SNX11: variants seen among roughly 807,000 people sequenced by gnomAD.
The protein encoded by SNX11 is sorting nexin 11.
A neutral mutation model predicts 30.7 loss-of-function variants in SNX11; 19 were observed. The ratio of observed to expected loss-of-function variants is 0.62; its 90% CI spans 0.43 to 0.91. SNX11 has a LOEUF of 0.91. SNX11 is among the 40% of genes least tolerant of loss of function. The pLI is 0.00. For synonymous variants in SNX11, 112 were observed against 119.0 expected (o/e 0.94, Z 0.38); for missense variants, 302 against 326.7 (o/e 0.92, Z 0.58).
chr17:48,114,927 A>G (rs1318311971), intron 4 of SNX11, among the ~76,000 whole-genome samples: 2 of 151,692 alleles, frequency 1.3e-5, no homozygotes, highest in Admixed American at 6.6e-5. Flanking sequence ...TCCACCTCCC[A>G]AAGTGCTAGG....
At chr17:48,118,413 A>G (rs1421020729) in intron 4 of SNX11, among the ~76,000 whole-genome samples, 2 of 152,006 alleles carry the variant, frequency 1.3e-5, no homozygotes, top group Non-Finnish European at 2.9e-5. Context: ...CCCCGTCTCT[A>G]TTAAAAATAC....
intron 4 of SNX11, among the ~76,000 whole-genome samples, chr17:48,115,452 C>A (rs2063536173): frequency 6.6e-6 from 1 of 152,156 alleles, no homozygotes; most frequent in South Asian, 2.1e-4. Context: ...ATACTAACAT[C>A]AAAAATATTT....
rs188333158 is a variant in SNX11, at chr17:48,113,300, G to T, written c.130-1G>T. 3.9e-5 allele frequency: 63 copies of T among 1,612,284 alleles called. No homozygotes were observed. Among genetic ancestry groups the T allele is most frequent in the Non-Finnish European group, 4.8e-5 (57 of 1,178,754 alleles). On this transcript the variant is annotated splice_acceptor_variant, in intron 3 of 6. Transcript: ENST00000359238. LOFTEE classifies it high-confidence loss of function. ...TGTACTTCATGTGCTTTCATGTATA[G>T]ACCAACAGCAAAGCCTTTACTGCCA...
intron 1 of SNX11, 80 bp from the exon 2 acceptor site, chr17:48,111,951 C>T (rs905848296): frequency 1.0e-4 from 121 of 1,207,778 alleles, no homozygotes; most frequent in Admixed American, 6.3e-4. Context: ...CTATTAAAAA[C>T]TTTCGGGGTT....
chr17:48,114,810 C>T (rs1000734749), intron 4 of SNX11, among the ~76,000 whole-genome samples: 3 of 149,548 alleles, frequency 2.0e-5, no homozygotes, highest in African/African-American at 4.9e-5. Context: ...GGATTACAGG[C>T]GCCTGCCACC....
At chr17:48,118,661 G>C in intron 4 of SNX11, 43 bp from the exon 5 acceptor site, 3 of 1,373,170 alleles carry the variant, frequency 2.2e-6, no homozygotes, top group Non-Finnish European at 3.1e-6. Context: ...GACTATCTTA[G>C]ATGTTACACT....
chr17:48,120,538 C>T (rs1489415674), intron 6 of SNX11, among the ~76,000 whole-genome samples: 20 of 92,712 alleles, frequency 2.2e-4, no homozygotes, highest in African/African-American at 5.2e-4. Flanking sequence ...GAGATGGAGT[C>T]TTGCTCTGTT....
chr17:48,112,186 T>G, intron 2 of SNX11, 101 bp downstream of exon 2: 7 of 1,032,918 alleles, frequency 6.8e-6, no homozygotes, highest in Non-Finnish European at 1.1e-5. Flanking sequence ...TTACCTGCAG[T>G]ATTACTTTGG....
At chr17:48,109,028 G>A (rs996878578) in intron 1 of SNX11, among the ~76,000 whole-genome samples, 1 of 152,192 alleles carries the variant, frequency 6.6e-6, no homozygotes, top group African/African-American at 2.4e-5. Context: ...CGCCTCCTGG[G>A]TTCCAGCAAT....
intron 4 of SNX11, among the ~76,000 whole-genome samples, chr17:48,117,007 G>A (rs2063552106): frequency 6.6e-6 from 1 of 151,846 alleles, no homozygotes; most frequent in Non-Finnish European, 1.5e-5. Flanking sequence ...GAGTAGCTGG[G>A]ATTACAGGGG....
chr17:48,108,602 A>T (rs1000598475), intron 1 of SNX11, among the ~76,000 whole-genome samples: 2 of 152,264 alleles, frequency 1.3e-5, no homozygotes, highest in African/African-American at 4.8e-5. Flanking sequence ...CTTTGTAAAC[A>T]GCAAACAATC....
In SNX11 at chr17:48,112,063, T is replaced by G; in HGVS notation, c.20T>G (p.Met7Arg). 2.5e-6 allele frequency: 4 copies of G among 1,613,776 alleles called. No individual in the cohort carries two copies. Among genetic ancestry groups the G allele is most frequent in the Non-Finnish European group, 3.4e-6 (4 of 1,179,710 alleles). The change falls in exon 2 of 7, where the codon ATG (methionine) becomes AGG (arginine). Residue 7 changes from methionine to arginine, a missense_variant. Coordinates refer to ENST00000359238, the MANE Select transcript of SNX11 (RefSeq NM_013323.3). ...CTTCCAATGGGCTTTTGGTGTAGGA[T>G]GTCGGAGAACCAAGAACAGGAGGTA... MGFWCR[M>R]SENQEQEEVI...
intron 4 of SNX11, among the ~76,000 whole-genome samples, chr17:48,115,372 T>C (rs2063535564): frequency 6.6e-6 from 1 of 152,196 alleles, no homozygotes; most frequent in African/African-American, 2.4e-5. Context: ...AGATATATGT[T>C]CTTAAATCAT....
At position 48,121,366 on chromosome 17, in the gene SNX11, C is replaced by A; in HGVS notation, c.671C>A (p.Pro224Gln). 1 of 1,614,204 alleles carries A rather than the reference C, an allele frequency of 6.2e-7. No homozygotes were observed. The highest frequency in any genetic ancestry group is 8.5e-7 in the Non-Finnish European group (1 of 1,180,036). Residue 224 changes from proline (P) to glutamine (Q), a missense_variant, in exon 7 of 7, where the codon CCA becomes CAA. Coordinates refer to ENST00000359238, the MANE Select transcript of SNX11 (RefSeq NM_013323.3). The part of the protein sequence containing the change: ...EVPSLESPTL[P>Q]PLSSPLCCDF... ...CCTTCCTTGGAAAGTCCCACTCTCC[C>A]ACCCCTCTCCTCACCATTATGCTGT... is the stretch of plus-strand genomic sequence containing the variant.
intron 1 of SNX11, among the ~76,000 whole-genome samples, chr17:48,109,521 G>A (rs564869378): frequency 4.0e-4 from 60 of 151,692 alleles, no homozygotes; most frequent in African/African-American, 1.3e-3. Flanking sequence ...GCCTCCCAAA[G>A]TGCTGGGATT....
At chr17:48,118,224 A>C (rs558728187) in intron 4 of SNX11, among the ~76,000 whole-genome samples, 2 of 152,250 alleles carry the variant, frequency 1.3e-5, no homozygotes, top group South Asian at 4.1e-4. Context: ...ATGTTTATAA[A>C]ACATTTAGCA....
At position 48,121,371 on chromosome 17, in the gene SNX11, CT is replaced by C; in HGVS notation, c.677del (p.Leu226ProfsTer22). On this transcript the variant is annotated frameshift_variant, in exon 7 of 7. Coordinates refer to ENST00000359238, the MANE Select transcript of SNX11 (RefSeq NM_013323.3). LOFTEE classifies it low-confidence loss of function (END_TRUNC). Reference protein sequence around the residue: ...PSLESPTLPPLSSPLCCDFGR... With the variant: ...PSLESPTLPPXSSPLCCDFGR... ...CTTGGAAAGTCCCACTCTCCCACCCCTCTCCTCACCATTATGCTGTGATTTT... is the reference window on the plus strand; with the variant it reads ...CTTGGAAAGTCCCACTCTCCCACCCCCTCCTCACCATTATGCTGTGATTTT... The C allele has an allele frequency of 4.3e-6, 7 of 1,614,220 alleles. No individual in the cohort carries two copies. The highest frequency in any genetic ancestry group is 5.9e-6 in the Non-Finnish European group (7 of 1,180,046).
intron 1 of SNX11, among the ~76,000 whole-genome samples, chr17:48,111,647 C>CAGA (rs370062856): frequency 2.3e-5 from 3 of 132,958 alleles, no homozygotes; most frequent in Non-Finnish European, 4.7e-5. Context: ...AACTCTGCCT[C>CAGA]AAAAAAAAAA....
At chr17:48,118,839 G>A in intron 5 of SNX11, 40 bp downstream of exon 5, 1 of 1,588,230 alleles carries the variant, frequency 6.3e-7, no homozygotes, top group Non-Finnish European at 8.6e-7. Context: ...ACCAAGGGTG[G>A]AGGCAGGGGT....
Sources: allele counts gnomAD v4.1 joint callset (sites outside exome capture counted in the v4.1 genomes callset), GRCh38; gene constraint gnomAD v4.1.1; transcripts MANE v1.5; gene names NCBI Gene and HGNC (gene_info 2026-07-23, HGNC 2026-07-21).